The following SHB variants were observed in gnomAD, a reference collection of about 807,000 sequenced individuals.
SHB encodes the protein SH2 domain-containing adapter protein B.
Under a neutral mutation model 52.3 loss-of-function variants are expected in SHB, and 20 were observed. That is an observed-to-expected ratio of 0.38 (90% CI 0.27 to 0.56). The LOEUF is 0.56. Among genes scored for constraint, SHB ranks in the 20% least tolerant of loss-of-function variants. The pLI is 0.71. For synonymous variants in SHB, 397 were observed against 316.5 expected (o/e 1.25, Z -2.70); for missense variants, 825 against 723.3 (o/e 1.14, Z -1.61).
At chr9:38,032,284 T>C (rs1015255262) in intron 1 of SHB, among the ~76,000 whole-genome samples, 5 of 152,166 alleles carry the variant, frequency 3.3e-5, no homozygotes, top group Non-Finnish European at 7.3e-5. Flanking sequence ...AGCTCAGAAA[T>C]GTCTAGGAAC....
intron 3 of SHB, among the ~76,000 whole-genome samples, chr9:37,960,948 A>C (rs1379145552): frequency 6.6e-6 from 1 of 152,188 alleles, no homozygotes; most frequent in Non-Finnish European, 1.5e-5. Context: ...TTGGGTCTTC[A>C]TTCCCCACAA....
chr9:38,034,237 AC>A (rs1167347617), intron 1 of SHB, among the ~76,000 whole-genome samples: 1 of 152,196 alleles, frequency 6.6e-6, no homozygotes, highest in East Asian at 1.9e-4. Flanking sequence ...ATAACTTGCC[AC>A]CTGTATGCAA....
intron 2 of SHB, among the ~76,000 whole-genome samples, chr9:37,987,492 C>T (rs961898021): frequency 5.9e-5 from 9 of 152,204 alleles, no homozygotes; most frequent in East Asian, 1.9e-4. Context: ...CAAAAGAACA[C>T]GGACACATTC....
In SHB at chr9:38,016,081, G is replaced by A. The variant is rs539830857; in HGVS notation, c.768C>T (p.Leu256=). 6.2e-7 allele frequency: 1 copy of A among 1,614,046 alleles called. No homozygotes were observed. The highest frequency in any genetic ancestry group is 1.1e-5 in the South Asian group (1 of 91,078). The stretch of plus-strand genomic sequence containing the variant: ...TCTCCCCCTTTCCTGCTTTGCTCTT[G>A]AGATCATTCTTGGCATCAAAGGGAT... ...YSDPFDAKND[L]KSKAGKGESA... is the part of the protein sequence containing the mutation. Residue 256 remains leucine (L), a synonymous_variant, in exon 2 of 6, where the codon CTC becomes CTT. Transcript: ENST00000377707.
intron 5 of SHB, among the ~76,000 whole-genome samples, chr9:37,928,835 A>C (rs1212477549): frequency 2.0e-5 from 3 of 152,344 alleles, no homozygotes; most frequent in South Asian, 2.1e-4. Flanking sequence ...GCTGTTTCCA[A>C]GGACAGGACC....
At chr9:37,975,707 GT>G (rs539512914) in intron 2 of SHB, among the ~76,000 whole-genome samples, 132 of 152,344 alleles carry the variant, frequency 8.7e-4, no homozygotes, top group Non-Finnish European at 1.6e-3. Context: ...TGGATACTAT[GT>G]GCATGGCCCA....
At chr9:37,975,932 T>C (rs989329798) in intron 2 of SHB, among the ~76,000 whole-genome samples, 1 of 152,194 alleles carries the variant, frequency 6.6e-6, no homozygotes, top group African/African-American at 2.4e-5. Flanking sequence ...TTCCTGGTGG[T>C]AGGACCAGGG....
chr9:37,919,485 C>G lies in SHB; in HGVS notation c.*336G>C, dbSNP rs903357794. 4.8e-5 allele frequency: 9 copies of G among 186,752 alleles called. No individual in the cohort carries two copies. Among genetic ancestry groups the G allele is most frequent in the Non-Finnish European group, 6.7e-5 (6 of 89,452 alleles). 11.6% of individuals were successfully genotyped at this position (186,752 alleles called of 1,614,324 possible). On this transcript the variant is annotated 3_prime_UTR_variant, in exon 6 of 6. Transcript: ENST00000377707. ...GAACAAAGAGATGTCAGCCAGGGAG[C>G]TCCCGCCCCACCCTACCCCGCCCCT...
In SHB at chr9:37,919,500, ACCCCGCCCCT is replaced by A. The variant is rs1252028103; in HGVS notation, c.*311_*320del. The A allele has an allele frequency of 6.5e-6, 1 of 154,838 alleles. No individual in the cohort carries two copies. Among genetic ancestry groups the A allele is most frequent in the African/African-American group, 2.9e-5 (1 of 33,996 alleles). 9.6% of individuals were successfully genotyped at this position (154,838 alleles called of 1,614,324 possible). ...AGCCAGGGAGCTCCCGCCCCACCCT[ACCCCGCCCCT>A]CGGAGCTGGTCTGCCTTTGTTCATC... is the stretch of plus-strand genomic sequence containing the variant. On this transcript the variant is annotated 3_prime_UTR_variant, in exon 6 of 6. Transcript: ENST00000377707.
intron 1 of SHB, among the ~76,000 whole-genome samples, chr9:38,033,339 G>C (rs1821440582): frequency 6.6e-6 from 1 of 152,158 alleles, no homozygotes; most frequent in Non-Finnish European, 1.5e-5. Context: ...CAGTGACTGG[G>C]GCCAGCCAAT....
intron 5 of SHB, among the ~76,000 whole-genome samples, chr9:37,928,410 G>A (rs1165553346): frequency 1.3e-5 from 2 of 152,200 alleles, no homozygotes; most frequent in Non-Finnish European, 2.9e-5. Context: ...GAGCCCTTAG[G>A]CTCCTTAAAG....
chr9:37,971,173 C>CGA (rs1820586590), intron 3 of SHB, among the ~76,000 whole-genome samples: 1 of 152,178 alleles, frequency 6.6e-6, no homozygotes, highest in Non-Finnish European at 1.5e-5. Flanking sequence ...ACCACACCAA[C>CGA]GACTCGCTCA....
At chr9:37,993,478 C>T (rs2118020750) in intron 2 of SHB, among the ~76,000 whole-genome samples, 1 of 152,192 alleles carries the variant, frequency 6.6e-6, no homozygotes, top group South Asian at 2.1e-4. Context: ...TTAATGGGTG[C>T]AGCACACCAA....
chr9:38,052,296 A>G (rs780930946), intron 1 of SHB, among the ~76,000 whole-genome samples: 1 of 151,976 alleles, frequency 6.6e-6, no homozygotes, highest in Non-Finnish European at 1.5e-5. Context: ...CAGCAGAAAC[A>G]AGCAGTCTGA....
At chr9:38,030,103 C>T (rs1352638467) in intron 1 of SHB, among the ~76,000 whole-genome samples, 2 of 152,312 alleles carry the variant, frequency 1.3e-5, no homozygotes, top group Admixed American at 1.3e-4. Context: ...CCAGTGAGGG[C>T]ATGACCAGCA....
At chr9:38,018,006 G>A (rs1307836629) in intron 1 of SHB, among the ~76,000 whole-genome samples, 1 of 152,194 alleles carries the variant, frequency 6.6e-6, no homozygotes, top group Non-Finnish European at 1.5e-5. Context: ...GAGAAAATGA[G>A]TTGCTGCTGT....
intron 5 of SHB, among the ~76,000 whole-genome samples, chr9:37,925,246 G>A (rs531475268): frequency 1.3e-5 from 2 of 152,196 alleles, no homozygotes; most frequent in Non-Finnish European, 2.9e-5. Context: ...GTGGCTGGTC[G>A]ACCTTGTCCC....
Position 37,974,724 on chromosome 9 carries a change from G to A in SHB, c.952C>T (p.Pro318Ser). 6.2e-7 allele frequency: 1 copy of A among 1,614,070 alleles called. No homozygotes were observed. The highest frequency in any genetic ancestry group is 8.5e-7 in the Non-Finnish European group (1 of 1,179,968). The change falls in exon 3 of 6, where the codon CCC (proline) becomes TCC (serine). Residue 318 changes from proline to serine, a missense_variant. Coordinates refer to ENST00000377707, the MANE Select transcript of SHB (RefSeq NM_003028.3). ...VDSDSESTVS[P>S]RLRESKLPQD... ...GGCAGCTTGCTCTCCCGCAGTCGGG[G>A]GCTGACTGTGCTCTCCGAGTCTGAG...
At chr9:37,939,298 G>C (rs1832410635) in intron 5 of SHB, among the ~76,000 whole-genome samples, 1 of 152,236 alleles carries the variant, frequency 6.6e-6, no homozygotes, top group South Asian at 2.1e-4. Flanking sequence ...AGAAGGGTCA[G>C]GAAAGAACAG....
Sources: gnomAD v4.1 joint callset for allele counts (sites outside exome capture counted in the v4.1 genomes callset) on GRCh38, gnomAD v4.1.1 for gene constraint, MANE v1.5 for transcripts, NCBI Gene and HGNC (gene_info 2026-07-23, HGNC 2026-07-21) for gene names.